KCNIP4: variants seen among roughly 807,000 people sequenced by gnomAD.
KCNIP4 encodes the protein potassium voltage-gated channel interacting protein 4, also known as Kv channel-interacting protein 4.
In KCNIP4, 12 loss-of-function variants were observed where a neutral mutation model predicts 34.0. The ratio of observed to expected loss-of-function variants is 0.35; its 90% CI spans 0.23 to 0.57. The LOEUF is 0.57. KCNIP4 is among the 20% of genes least tolerant of loss of function. The pLI is 0.83. For missense variants in KCNIP4, 238 were observed against 311.7 expected (o/e 0.76, Z 1.78); for synonymous variants, 124 against 102.2 (o/e 1.21, Z -1.29).
intron 1 of KCNIP4, among the ~76,000 whole-genome samples, chr4:21,783,645 T>A (rs1719716125): frequency 6.6e-6 from 1 of 152,114 alleles, no homozygotes; most frequent in Non-Finnish European, 1.5e-5. Flanking sequence ...CATTTAAGCA[T>A]AACAACATGA....
At chr4:21,545,558 C>T (rs936205417) in intron 1 of KCNIP4, among the ~76,000 whole-genome samples, 2 of 152,068 alleles carry the variant, frequency 1.3e-5, no homozygotes, top group Non-Finnish European at 2.9e-5. Flanking sequence ...ACGACAGGCC[C>T]GGTGAGAGAT....
intron 3 of KCNIP4, among the ~76,000 whole-genome samples, chr4:20,770,978 T>C (rs573528836): frequency 6.6e-6 from 1 of 152,240 alleles, no homozygotes; most frequent in East Asian, 1.9e-4. Context: ...AAAAACAATA[T>C]AACAACTATT....
intron 8 of KCNIP4, chr4:20,731,450 T>TAACA (rs1171977762): frequency 2.0e-6 from 2 of 985,260 alleles, no homozygotes. Flanking sequence ...GTTTCTTTGA[T>TAACA]AACAGGCTAC....
intron 1 of KCNIP4, among the ~76,000 whole-genome samples, chr4:21,898,922 G>T (rs1307968274): frequency 2.6e-5 from 4 of 152,144 alleles, no homozygotes; most frequent in Admixed American, 2.6e-4. Flanking sequence ...CCAGTGCCCT[G>T]AATGGTGCTG....
chr4:21,238,364 T>TGGAA (rs1366091318), intron 1 of KCNIP4, among the ~76,000 whole-genome samples: 1 of 152,148 alleles, frequency 6.6e-6, no homozygotes, highest in Non-Finnish European at 1.5e-5. Context: ...AACATAATGT[T>TGGAA]GGAAGTGCTG....
chr4:20,985,769 C>T (rs1284923690), intron 1 of KCNIP4, among the ~76,000 whole-genome samples: 1 of 152,122 alleles, frequency 6.6e-6, no homozygotes, highest in Non-Finnish European at 1.5e-5. Flanking sequence ...GGAAAGTCAA[C>T]TCTAATTGGG....
chr4:21,148,506 C>A (rs1246349947), intron 1 of KCNIP4, among the ~76,000 whole-genome samples: 1 of 152,086 alleles, frequency 6.6e-6, no homozygotes, highest in East Asian at 1.9e-4. Context: ...CATGCTTACA[C>A]CGTTCTGACA....
chr4:21,174,236 C>G (rs1754233119), intron 1 of KCNIP4, among the ~76,000 whole-genome samples: 1 of 152,132 alleles, frequency 6.6e-6, no homozygotes, highest in African/African-American at 2.4e-5. Flanking sequence ...GGTGACCATA[C>G]AAATGTGTCT....
chr4:21,264,672 T>A (rs1761684978), intron 1 of KCNIP4, among the ~76,000 whole-genome samples: 1 of 152,150 alleles, frequency 6.6e-6, no homozygotes, highest in Admixed American at 6.5e-5. Flanking sequence ...TGTAAGTTTG[T>A]TCAATAAACA....
At chr4:21,741,064 T>C (rs1170702123) in intron 1 of KCNIP4, among the ~76,000 whole-genome samples, 1 of 152,164 alleles carries the variant, frequency 6.6e-6, no homozygotes, top group Admixed American at 6.6e-5. Context: ...GTGGGCTTAT[T>C]TTAATAAATA....
At chr4:21,802,670 T>C (rs1254260674) in intron 1 of KCNIP4, among the ~76,000 whole-genome samples, 3 of 152,156 alleles carry the variant, frequency 2.0e-5, no homozygotes, top group African/African-American at 2.4e-5. Flanking sequence ...ACATGGGAAT[T>C]AATCACTCTC....
intron 1 of KCNIP4, among the ~76,000 whole-genome samples, chr4:21,159,302 T>C (rs938115502): frequency 2.6e-5 from 4 of 152,162 alleles, no homozygotes; most frequent in Admixed American, 6.5e-5. Context: ...CCCATGAATA[T>C]GTAGAATATT....
At position 21,776,844 on chromosome 4, in the gene KCNIP4, C is replaced by T. The variant is rs190206579; in HGVS notation, c.61+171727G>A. ...AGTATACAATCTCGGCTCCTTTCAA[C>T]CCCCGCCTCTCAGGTTCAAGCAACT... is the stretch of plus-strand genomic sequence containing the variant. On this transcript the variant is annotated intron_variant, in intron 1 of 8. Transcript: ENST00000382152. 2.1e-4 allele frequency among the ~76,000 whole-genome samples: 32 copies of T among 152,200 alleles called. 1 individual carries two copies. In the East Asian group the frequency reaches 4.5e-3, roughly 21 times the overall value.
intron 1 of KCNIP4, among the ~76,000 whole-genome samples, chr4:21,462,765 TTGTGTGTGTGTGTGTG>T (rs57124779): frequency 6.7e-4 from 97 of 145,776 alleles, no homozygotes; most frequent in Non-Finnish European, 1.2e-3. Flanking sequence ...TAGTATTCCA[TTGTGTGTGTGTGTGTG>T]TGTGTGTGTG....
At chr4:21,450,266 T>C (rs1301606700) in intron 1 of KCNIP4, among the ~76,000 whole-genome samples, 2 of 152,160 alleles carry the variant, frequency 1.3e-5, no homozygotes, top group Non-Finnish European at 2.9e-5. Context: ...CTTCTGACTA[T>C]ACTATAGTAA....
chr4:21,362,897 G>A (rs16870934), intron 1 of KCNIP4, among the ~76,000 whole-genome samples: 1 of 152,034 alleles, frequency 6.6e-6, no homozygotes, highest in African/African-American at 2.4e-5. Context: ...AACTACAATG[G>A]AGTGATAAGA....
chr4:21,535,922 C>G (rs1737127237), intron 1 of KCNIP4, among the ~76,000 whole-genome samples: 2 of 152,068 alleles, frequency 1.3e-5, no homozygotes. Flanking sequence ...AATTTTGAAG[C>G]AGAAATCTGA....
intron 1 of KCNIP4, among the ~76,000 whole-genome samples, chr4:21,063,179 C>G (rs972046745): frequency 9.9e-5 from 15 of 152,114 alleles, no homozygotes; most frequent in Non-Finnish European, 1.6e-4. Flanking sequence ...GGAACTGACT[C>G]TACTGACACC....
chr4:20,782,123 A>T (rs1756931548), intron 3 of KCNIP4, among the ~76,000 whole-genome samples: 1 of 152,174 alleles, frequency 6.6e-6, no homozygotes, highest in Non-Finnish European at 1.5e-5. Flanking sequence ...CATCCAGGTC[A>T]TGCTGATGCA....
Sources: allele counts gnomAD v4.1 joint callset (sites outside exome capture counted in the v4.1 genomes callset), GRCh38; gene constraint gnomAD v4.1.1; transcripts MANE v1.5; gene names NCBI Gene and HGNC (gene_info 2026-07-23, HGNC 2026-07-21).